The following CALN1 variants were observed in gnomAD, a reference collection of about 807,000 sequenced individuals.
CALN1 encodes calcium-binding protein 8.
In CALN1, 17 loss-of-function variants were observed where a neutral mutation model predicts 30.6. The ratio of observed to expected loss-of-function variants is 0.56; its 90% confidence interval spans 0.38 to 0.83. The LOEUF (loss-of-function observed/expected upper bound fraction) is 0.83. Among genes scored for constraint, CALN1 ranks in the 40% least tolerant of loss-of-function variants. CALN1 has a pLI of 0.00. For synonymous variants in CALN1, 156 were observed against 131.4 expected (o/e 1.19, Z -1.28); for missense variants, 291 against 354.9 (o/e 0.82, Z 1.45).
rs897766693 is a variant in CALN1 at position 72,058,883 on chromosome 7, C to T, written c.389-35114G>A. On this transcript the variant is annotated intron_variant, in intron 4 of 6. Transcript: ENST00000395275. ...GCATTAAAAAAACAAAAGTCGAAAA[C>T]GAAGAACGCTGTCTGGCTTTAAAAC... Among the ~76,000 whole-genome samples, 10 of 152,080 alleles carry T rather than the reference C, an allele frequency of 6.6e-5. No individual in the cohort carries two copies. In the South Asian group the frequency reaches 8.3e-4, roughly 13 times the overall value.
At chr7:72,181,506 T>G in intron 3 of CALN1, among the ~76,000 whole-genome samples, 2 of 76,096 alleles carry the variant, frequency 2.6e-5, no homozygotes, top group African/African-American at 1.0e-4. Flanking sequence ...TTTTTGAGAG[T>G]CTTGCTCTGT....
chr7:72,446,771 C>T (rs1808539649), intron 1 of CALN1, among the ~76,000 whole-genome samples: 1 of 152,170 alleles, frequency 6.6e-6, no homozygotes. Flanking sequence ...TCTCCCCACT[C>T]CTCCAAACCA....
intron 3 of CALN1, among the ~76,000 whole-genome samples, chr7:72,183,666 A>G (rs1046763491): frequency 3.3e-5 from 5 of 152,248 alleles, no homozygotes; most frequent in African/African-American, 1.2e-4. Context: ...GTGTATTAGC[A>G]AAACAGGCAA....
At chr7:71,842,005 A>G (rs888746692) in intron 5 of CALN1, among the ~76,000 whole-genome samples, 2 of 143,732 alleles carry the variant, frequency 1.4e-5, no homozygotes, top group Admixed American at 7.0e-5. Context: ...TCTAAAAAAG[A>G]AAAAAAAAAA....
intron 3 of CALN1, among the ~76,000 whole-genome samples, chr7:72,164,644 G>A (rs987243159): frequency 2.0e-5 from 3 of 152,254 alleles, no homozygotes; most frequent in African/African-American, 4.8e-5. Context: ...TGTGATGGCA[G>A]CCCAGAAACA....
chr7:72,046,927 G>A (rs746890908), intron 4 of CALN1, among the ~76,000 whole-genome samples: 30 of 151,910 alleles, frequency 2.0e-4, no homozygotes, highest in South Asian at 4.2e-4. Context: ...AGCTGGGCAC[G>A]GTGGCACGTG....
intron 3 of CALN1, among the ~76,000 whole-genome samples, chr7:72,235,028 G>A (rs1794381748): frequency 6.6e-6 from 1 of 152,072 alleles, no homozygotes; most frequent in Admixed American, 6.6e-5. Context: ...TACCACTTTG[G>A]GAGGCCAAGG....
intron 2 of CALN1, among the ~76,000 whole-genome samples, chr7:72,328,963 C>G (rs139198585): frequency 1.6e-4 from 24 of 152,386 alleles, no homozygotes; most frequent in African/African-American, 5.5e-4. Flanking sequence ...TCCCAAAGTG[C>G]TGGGATTACA....
intron 3 of CALN1, among the ~76,000 whole-genome samples, chr7:72,215,177 C>A (rs929434494): frequency 6.6e-6 from 1 of 152,158 alleles, no homozygotes; most frequent in African/African-American, 2.4e-5. Context: ...TACATGCTAA[C>A]ATCAATGCAT....
intron 5 of CALN1, among the ~76,000 whole-genome samples, chr7:71,817,484 T>C (rs1361827890): frequency 6.6e-6 from 1 of 152,240 alleles, no homozygotes; most frequent in East Asian, 1.9e-4. Flanking sequence ...GTAAGGTCAG[T>C]TATACAAATA....
intron 3 of CALN1, among the ~76,000 whole-genome samples, chr7:72,180,607 C>CTTTTTTTTTTTTTTTTTTT (rs150600925): frequency 1.1e-5 from 1 of 90,004 alleles, no homozygotes; most frequent in Non-Finnish European, 2.0e-5. Context: ...GCTTTTTTTT[C>CTTTTTTTTTTTTTTTTTTT]TTTTTTTTTT....
rs1554337104 is a variant in CALN1, at chr7:71,790,404, G to GAAAGA, written c.659-2507_659-2503dup. 2.1e-3 allele frequency among the ~76,000 whole-genome samples: 269 copies of GAAAGA among 125,950 alleles called. 1 individual carries two copies. Among genetic ancestry groups the GAAAGA allele is most frequent in the East Asian group, 9.2e-3 (38 of 4,120 alleles). 82.6% of individuals were successfully genotyped at this position (125,950 alleles called of 152,430 possible). On this transcript the variant is annotated intron_variant, in intron 6 of 6. Transcript: ENST00000395275. The stretch of plus-strand genomic sequence containing the variant: ...AGAAAGAAAGAAAGAAAGAAAGAAA[G>GAAAGA]AAAGAAAGAAAGAAAGAAAGAAGCA...
chr7:72,411,787 T>C (rs1807168560), intron 1 of CALN1, among the ~76,000 whole-genome samples: 1 of 150,600 alleles, frequency 6.6e-6, no homozygotes, highest in Non-Finnish European at 1.5e-5. Flanking sequence ...AGGAATAAAG[T>C]AATTACTCTT....
chr7:72,118,737 A>C lies in CALN1; in HGVS notation c.245-12443T>G, dbSNP rs572106652. Among the ~76,000 whole-genome samples, 35 of 152,344 alleles carry C rather than the reference A, an allele frequency of 2.3e-4. No individual in the cohort carries two copies. In the South Asian group the frequency reaches 6.2e-3, roughly 27 times the overall value. On this transcript the variant is annotated intron_variant, in intron 3 of 6. Coordinates refer to ENST00000395275, the MANE Select transcript of CALN1 (RefSeq NM_031468.4). ...ATAATCACTGGAGGGTCTCCATACA[A>C]AATGACAAATGACAAAATTCTCAGG...
intron 5 of CALN1, among the ~76,000 whole-genome samples, chr7:71,867,765 A>G (rs1791676985): frequency 6.6e-6 from 1 of 152,032 alleles, no homozygotes; most frequent in Non-Finnish European, 1.5e-5. Context: ...CCTTTTGTTC[A>G]TTTGTTTGGT....
At chr7:72,206,238 G>C (rs1222820761) in intron 3 of CALN1, among the ~76,000 whole-genome samples, 3 of 152,206 alleles carry the variant, frequency 2.0e-5, no homozygotes, top group Non-Finnish European at 4.4e-5. Context: ...TTGAAATGCA[G>C]CATCTGTCAT....
intron 4 of CALN1, among the ~76,000 whole-genome samples, chr7:72,078,797 G>T (rs764389640): frequency 6.6e-6 from 1 of 152,108 alleles, no homozygotes; most frequent in African/African-American, 2.4e-5. Context: ...TTAGTTGGGC[G>T]TGGTGGCAGG....
the CALN1 span, among the ~76,000 whole-genome samples, chr7:72,457,439 A>G: frequency 6.6e-6 from 1 of 151,764 alleles, no homozygotes. Context: ...ACCACTTGCA[A>G]CTCCCAGAAG....
rs192871034 is a variant in CALN1, at chr7:72,237,435, G to A, written c.244+41251C>T. On this transcript the variant is annotated intron_variant, in intron 3 of 6. Coordinates refer to ENST00000395275, the MANE Select transcript of CALN1 (RefSeq NM_031468.4). Reference sequence around the variant, plus strand: ...CCTTATTCCAGATAAGGGAGACAGGGAGAGACGACAGGGCCAAAGAAGTAG... The same window carrying A: ...CCTTATTCCAGATAAGGGAGACAGGAAGAGACGACAGGGCCAAAGAAGTAG... 2.6e-3 allele frequency among the ~76,000 whole-genome samples: 393 copies of A among 152,298 alleles called. 1 individual carries two copies. The highest frequency in any genetic ancestry group is 4.0e-3 in the Non-Finnish European group (271 of 68,028).
Sources: allele counts gnomAD v4.1 joint callset (sites outside exome capture counted in the v4.1 genomes callset), GRCh38; gene constraint gnomAD v4.1.1; transcripts MANE v1.5; gene names NCBI Gene and HGNC (gene_info 2026-07-23, HGNC 2026-07-21).